Variants in CSMD3 observed in about 807,000 individuals in gnomAD.
CSMD3 encodes CUB and sushi domain-containing protein 3.
Under a neutral mutation model 435.2 loss-of-function variants are expected in CSMD3, and 177 were observed. The ratio of observed to expected loss-of-function variants is 0.41; its 90% CI spans 0.36 to 0.46. CSMD3 has a LOEUF of 0.46. CSMD3 is among the 20% of genes least tolerant of loss of function. The probability of loss-of-function intolerance (pLI) is 0.34; values close to 1 mark genes in which losing one functional copy is unlikely to be tolerated. For synonymous variants in CSMD3, 1,656 were observed against 1,520.5 expected (o/e 1.09, Z -2.07); for missense variants, 4,265 against 4,504.6 (o/e 0.95, Z 1.52).
At chr8:113,276,471 C>G (rs534380923) in intron 3 of CSMD3, among the ~76,000 whole-genome samples, 1 of 152,168 alleles carries the variant, frequency 6.6e-6, no homozygotes, top group South Asian at 2.1e-4. Flanking sequence ...GAGAGAAAGC[C>G]TTAGGAGCTA....
chr8:112,292,306 A>G (rs2130684970), intron 55 of CSMD3, among the ~76,000 whole-genome samples: 1 of 152,296 alleles, frequency 6.6e-6, no homozygotes, highest in Non-Finnish European at 1.5e-5. Context: ...TTAAAAATAT[A>G]AGTTACAAAA....
chr8:113,183,314 T>C (rs979664404), intron 3 of CSMD3, among the ~76,000 whole-genome samples: 10 of 152,178 alleles, frequency 6.6e-5, no homozygotes, highest in Admixed American at 3.9e-4. Context: ...GTTTTGCAGA[T>C]GACTCATATA....
chr8:112,576,462 A>C (rs192931402), intron 23 of CSMD3, among the ~76,000 whole-genome samples: 2 of 152,252 alleles, frequency 1.3e-5, no homozygotes, highest in African/African-American at 4.8e-5. Flanking sequence ...GATCAAAAAC[A>C]AATTAACACA....
At position 113,413,852 on chromosome 8, in the gene CSMD3, T is replaced by G. The variant is rs145009314; in HGVS notation, c.178+22825A>C. On this transcript the variant is annotated intron_variant, in intron 1 of 70. Transcript: ENST00000297405. Reference sequence around the variant, plus strand: ...TTTCTTCCAAAAGTTTTTATTTACCTTCTTGTATGAATATTGATCGAAAGT... The same window carrying G: ...TTTCTTCCAAAAGTTTTTATTTACCGTCTTGTATGAATATTGATCGAAAGT... 4.3e-3 allele frequency among the ~76,000 whole-genome samples: 662 copies of G among 152,326 alleles called. 3 individuals are homozygous for G. Among genetic ancestry groups the G allele is most frequent in the African/African-American group, 0.015 (634 of 41,590 alleles).
chr8:112,564,050 T>C (rs948424634), intron 24 of CSMD3, among the ~76,000 whole-genome samples: 1 of 152,062 alleles, frequency 6.6e-6, no homozygotes, highest in East Asian at 1.9e-4. Flanking sequence ...ATTTTTCATT[T>C]CTTAATACCT....
intron 5 of CSMD3, among the ~76,000 whole-genome samples, chr8:113,071,812 A>G (rs1437051144): frequency 6.6e-6 from 1 of 151,858 alleles, no homozygotes; most frequent in African/African-American, 2.4e-5. Flanking sequence ...TCAGGGATCC[A>G]TATCAATTTT....
intron 6 of CSMD3, among the ~76,000 whole-genome samples, chr8:112,998,499 T>C (rs1404677451): frequency 6.6e-6 from 1 of 151,956 alleles, no homozygotes; most frequent in Non-Finnish European, 1.5e-5. Context: ...ACATTTCCCT[T>C]CTGACTTCCT....
At chr8:112,824,987 G>C (rs1160037244) in intron 12 of CSMD3, among the ~76,000 whole-genome samples, 2 of 152,136 alleles carry the variant, frequency 1.3e-5, no homozygotes, top group East Asian at 1.9e-4. Context: ...ATATTTCTCA[G>C]AGGTTTTGTT....
intron 1 of CSMD3, among the ~76,000 whole-genome samples, chr8:113,427,777 T>C (rs974736142): frequency 3.3e-5 from 5 of 151,646 alleles, no homozygotes; most frequent in Admixed American, 2.0e-4. Flanking sequence ...AAACACTAGA[T>C]TGGGGACACT....
rs989199832 is a variant in CSMD3, at chr8:112,552,723, G to A, written c.4235-3C>T. ...TTTAAAACGACCTCCACATTCAGCTGATAAAAAATAATAGAAATTTAAGCC... is the reference window on the plus strand; with the variant it reads ...TTTAAAACGACCTCCACATTCAGCTAATAAAAAATAATAGAAATTTAAGCC... On this transcript the variant is annotated splice_region_variant and splice_polypyrimidine_tract_variant and intron_variant, in intron 25 of 70. Coordinates refer to ENST00000297405, the MANE Select transcript of CSMD3 (RefSeq NM_198123.2). 2 of 1,610,074 alleles carry A rather than the reference G, an allele frequency of 1.2e-6. No individual in the cohort carries two copies. Among genetic ancestry groups the A allele is most frequent in the Non-Finnish European group, 8.5e-7 (1 of 1,177,828 alleles).
Position 113,098,577 on chromosome 8 carries a change from T to C in CSMD3, c.917+179A>G, listed in dbSNP as rs1031534896. 1.7e-5 allele frequency: 10 copies of C among 595,760 alleles called. No individual in the cohort carries two copies. In the African/African-American group the frequency reaches 1.9e-4, roughly 11 times the overall value. 36.9% of individuals were successfully genotyped at this position (595,760 alleles called of 1,614,324 possible). Reference sequence around the variant, plus strand: ...TATACAAGTTTTGAATTTCATCTATTTTTTATGTAAATAGCTCGATCTTCA... The same window carrying C: ...TATACAAGTTTTGAATTTCATCTATCTTTTATGTAAATAGCTCGATCTTCA... On this transcript the variant is annotated intron_variant, in intron 5 of 70. Transcript: ENST00000297405.
intron 13 of CSMD3, among the ~76,000 whole-genome samples, chr8:112,703,395 G>C (rs1587013786): frequency 6.6e-6 from 1 of 152,290 alleles, no homozygotes; most frequent in African/African-American, 2.4e-5. Context: ...AGCAATATTG[G>C]AAATATAGGT....
chr8:112,297,249 C>CA (rs10551780), intron 53 of CSMD3, among the ~76,000 whole-genome samples: 2,093 of 115,740 alleles, frequency 0.018, 46 homozygotes, highest in African/African-American at 0.061. Flanking sequence ...AGTAAAGCCT[C>CA]AAAAAAAAAA....
chr8:112,631,992 C>T (rs1311002231), intron 22 of CSMD3, among the ~76,000 whole-genome samples: 2 of 151,896 alleles, frequency 1.3e-5, no homozygotes, highest in Non-Finnish European at 2.9e-5. Flanking sequence ...CTGGATAGAT[C>T]AGTCATATTT....
At chr8:112,539,950 G>C (rs1290968008) in intron 27 of CSMD3, among the ~76,000 whole-genome samples, 4 of 151,948 alleles carry the variant, frequency 2.6e-5, no homozygotes, top group Non-Finnish European at 5.9e-5. Flanking sequence ...ACAATCAACA[G>C]AGTGAAGAGA....
chr8:112,584,767 T>A (rs1329290266), intron 23 of CSMD3, among the ~76,000 whole-genome samples: 1 of 151,244 alleles, frequency 6.6e-6, no homozygotes, highest in Non-Finnish European at 1.5e-5. Context: ...GCAGATTTTA[T>A]AATGGGCTAT....
rs569040037 is a variant in CSMD3 at position 113,191,040 on chromosome 8, G to A, written c.515-17124C>T. Among the ~76,000 whole-genome samples the A allele has an allele frequency of 7.2e-5, 11 of 151,764 alleles. 1 individual carries two copies. The South Asian group carries it at 2.3e-3, about 31-fold the overall frequency. The stretch of plus-strand genomic sequence containing the variant: ...ATCTGGACATTTGTTTCTATTACTA[G>A]AAAGTGTTCTTGATATTAGATTCAA... On this transcript the variant is annotated intron_variant, in intron 3 of 70. Transcript: ENST00000297405.
At chr8:113,132,670 G>T (rs1209403182) in intron 4 of CSMD3, among the ~76,000 whole-genome samples, 1 of 152,066 alleles carries the variant, frequency 6.6e-6, no homozygotes, top group Admixed American at 6.6e-5. Flanking sequence ...CTTTATAGTA[G>T]TGTGAAAGCG....
rs144433758 is a variant in CSMD3, at chr8:112,890,801, C to CT, written c.1633+30825dup. ...CTTCAGTCTTATTTAATAGGCATGG[C>CT]TTTTTTGTGGGAAAAATGTGGAATG... On this transcript the variant is annotated intron_variant, in intron 10 of 70. Coordinates refer to ENST00000297405, the MANE Select transcript of CSMD3 (RefSeq NM_198123.2). Among the ~76,000 whole-genome samples, 354 of 151,650 alleles carry CT rather than the reference C, an allele frequency of 2.3e-3. 1 individual carries two copies. Among genetic ancestry groups the CT allele is most frequent in the African/African-American group, 8.1e-3 (336 of 41,440 alleles).
Sources: gnomAD v4.1 joint callset for allele counts (sites outside exome capture counted in the v4.1 genomes callset) on GRCh38, gnomAD v4.1.1 for gene constraint, MANE v1.5 for transcripts, NCBI Gene and HGNC (gene_info 2026-07-23, HGNC 2026-07-21) for gene names.